STIM1: variants seen among roughly 807,000 people sequenced by gnomAD.
STIM1 encodes the protein stromal interaction molecule 1.
In STIM1, 25 loss-of-function variants were observed where a neutral mutation model predicts 74.7. The ratio of observed to expected loss-of-function variants is 0.33; its 90% CI spans 0.24 to 0.47. The LOEUF is 0.47. Among genes scored for constraint, STIM1 ranks in the 20% least tolerant of loss-of-function variants. STIM1 has a pLI of 1.00. For missense variants in STIM1, 728 were observed against 920.8 expected (o/e 0.79, Z 2.71); for synonymous variants, 328 against 348.8 (o/e 0.94, Z 0.66).
intron 2 of STIM1, among the ~76,000 whole-genome samples, chr11:4,017,823 C>T (rs2093912784): frequency 6.6e-6 from 1 of 152,226 alleles, no homozygotes; most frequent in Non-Finnish European, 1.5e-5. Context: ...CACCTTGTTT[C>T]AAACCACCAT....
intron 2 of STIM1, among the ~76,000 whole-genome samples, chr11:4,015,646 C>G (rs990211159): frequency 6.6e-6 from 1 of 152,200 alleles, no homozygotes; most frequent in Admixed American, 6.5e-5. Flanking sequence ...TGTTTTCTAA[C>G]TTGGTTGCAT....
At chr11:3,876,344 T>G (rs2091306394) in intron 1 of STIM1, among the ~76,000 whole-genome samples, 1 of 152,106 alleles carries the variant, frequency 6.6e-6, no homozygotes, top group African/African-American at 2.4e-5. Flanking sequence ...GGATAAACAG[T>G]TGAATGCTGT....
chr11:3,939,190 G>A (rs10835340), intron 1 of STIM1, among the ~76,000 whole-genome samples: 37,233 of 152,072 alleles, frequency 0.24, 5,669 homozygotes, highest in South Asian at 0.45. Context: ...GGCTATCAGA[G>A]GATATACACT....
intron 1 of STIM1, among the ~76,000 whole-genome samples, chr11:3,950,342 C>T (rs1203299913): frequency 6.6e-6 from 1 of 152,082 alleles, no homozygotes. Context: ...CCATGTTGGT[C>T]AGGCTGGTCT....
intron 2 of STIM1, among the ~76,000 whole-genome samples, chr11:4,012,250 A>G (rs1022293514): frequency 4.6e-5 from 7 of 152,154 alleles, no homozygotes; most frequent in African/African-American, 1.4e-4. Context: ...GTTTTTTCCA[A>G]TTCTGTGAAG....
Position 3,922,971 on chromosome 11 carries a change from C to T in STIM1, c.140-44581C>T, listed in dbSNP as rs2135529273. On this transcript the variant is annotated intron_variant, in intron 1 of 12. Transcript: ENST00000526596. Reference sequence around the variant, plus strand: ...AAAATTAGCCAGGCATGGTAGCGGGCGCCTGTGGTCCCAGCTACTCGGGAG... The same window carrying T: ...AAAATTAGCCAGGCATGGTAGCGGGTGCCTGTGGTCCCAGCTACTCGGGAG... Among the ~76,000 whole-genome samples, 2 of 151,790 alleles carry T rather than the reference C, an allele frequency of 1.3e-5. 1 individual carries two copies. Among genetic ancestry groups the T allele is most frequent in the South Asian group, 4.2e-4 (2 of 4,800 alleles).
At chr11:3,956,849 A>G (rs1414493547) in intron 1 of STIM1, among the ~76,000 whole-genome samples, 1 of 149,632 alleles carries the variant, frequency 6.7e-6, no homozygotes, top group African/African-American at 2.5e-5. Context: ...AAAAAAAAAA[A>G]AAGTCAGAGA....
chr11:4,074,484 C>T lies in STIM1; in HGVS notation c.792-18C>T. 2.5e-6 allele frequency: 4 copies of T among 1,612,996 alleles called. No individual in the cohort carries two copies. The highest frequency in any genetic ancestry group is 1.9e-4 in the Middle Eastern group (1 of 5,382). ...CCCCTTGCCTGGCCTCCTCCAGCTC[C>T]CTGCATTGCCCCCCCAGGCTGCACA... On this transcript the variant is annotated intron_variant, in intron 6 of 12. Transcript: ENST00000526596.
intron 3 of STIM1, among the ~76,000 whole-genome samples, chr11:4,031,862 A>G (rs145637501): frequency 5.9e-5 from 9 of 152,328 alleles, no homozygotes; most frequent in African/African-American, 1.9e-4. Context: ...AAGAGCAGAA[A>G]GTTGTAATTT....
At chr11:4,014,637 A>G (rs2093877582) in intron 2 of STIM1, among the ~76,000 whole-genome samples, 2 of 152,046 alleles carry the variant, frequency 1.3e-5, no homozygotes, top group Admixed American at 1.3e-4. Context: ...TCTGTCTAAT[A>G]TTGACAGTGG....
chr11:3,871,454 A>G (rs1456201465), intron 1 of STIM1, among the ~76,000 whole-genome samples: 1 of 152,024 alleles, frequency 6.6e-6, no homozygotes, highest in Non-Finnish European at 1.5e-5. Context: ...TAGTAGGGGT[A>G]TTGTTAGGTA....
At chr11:4,035,718 A>C (rs2094094177) in intron 3 of STIM1, among the ~76,000 whole-genome samples, 1 of 152,104 alleles carries the variant, frequency 6.6e-6, no homozygotes, top group African/African-American at 2.4e-5. Flanking sequence ...GAAGCCTTTA[A>C]AAAATTTTAA....
intron 2 of STIM1, among the ~76,000 whole-genome samples, chr11:4,012,552 T>G (rs1220128102): frequency 2.0e-5 from 3 of 152,236 alleles, no homozygotes; most frequent in African/African-American, 7.2e-5. Context: ...TAGGAATGCT[T>G]GTGATTTTTG....
chr11:3,879,462 C>A (rs1262464947), intron 1 of STIM1, among the ~76,000 whole-genome samples: 1 of 152,172 alleles, frequency 6.6e-6, no homozygotes, highest in African/African-American at 2.4e-5. Context: ...GGACATTAAT[C>A]TTCTCCCCAG....
At chr11:3,897,677 A>G (rs747369563) in intron 1 of STIM1, among the ~76,000 whole-genome samples, 9 of 141,288 alleles carry the variant, frequency 6.4e-5, no homozygotes, top group African/African-American at 2.6e-5. Flanking sequence ...CGCCCACCCC[A>G]CAACAGTCCC....
chr11:4,021,153 G>T (rs201684650), intron 2 of STIM1, among the ~76,000 whole-genome samples: 2 of 123,190 alleles, frequency 1.6e-5, no homozygotes, highest in South Asian at 2.6e-4. Flanking sequence ...TGGTGGTGGT[G>T]GTTGTTGTTG....
At chr11:3,988,006 T>C (rs2093573294) in intron 2 of STIM1, among the ~76,000 whole-genome samples, 1 of 152,134 alleles carries the variant, frequency 6.6e-6, no homozygotes, top group South Asian at 2.1e-4. Flanking sequence ...CAAAGGTGAG[T>C]GTCATTTATA....
chr11:4,055,893 A>C (rs1039402229), intron 4 of STIM1, among the ~76,000 whole-genome samples: 1 of 152,218 alleles, frequency 6.6e-6, no homozygotes, highest in African/African-American at 2.4e-5. Context: ...TGCTTAGTAC[A>C]TGCCAGGCAT....
In STIM1 at chr11:3,856,116, C is replaced by A; in HGVS notation, c.-155C>A. 1 of 929,582 alleles carries A rather than the reference C, an allele frequency of 1.1e-6. No individual in the cohort carries two copies. Among genetic ancestry groups the A allele is most frequent in the Non-Finnish European group, 1.7e-6 (1 of 597,118 alleles). The allele number at this position is 929,582 out of a possible 1,614,324, so 57.6% of individuals were successfully genotyped here. ...CAAACTTGGAGCACTTGACCTTTGG[C>A]TGTTGGAGGGGGCAGGCTCGCGGGT... On this transcript the variant is annotated 5_prime_UTR_variant, in exon 1 of 13. The change creates a new upstream start codon in the 5' untranslated region. Transcript: ENST00000526596.
Sources: allele counts gnomAD v4.1 joint callset (sites outside exome capture counted in the v4.1 genomes callset), GRCh38; gene constraint gnomAD v4.1.1; transcripts MANE v1.5; gene names NCBI Gene and HGNC (gene_info 2026-07-23, HGNC 2026-07-21).